Variants in MRPS31 observed in about 807,000 individuals in gnomAD.
MRPS31 encodes small ribosomal subunit protein mS31.
Under a neutral mutation model 43.1 loss-of-function variants are expected in MRPS31, and 32 were observed. The observed-to-expected ratio is 0.74, with a 90% CI of 0.56 to 1.00. MRPS31 has a LOEUF of 1.00. Among genes scored for constraint, MRPS31 ranks in the 50% least tolerant of loss-of-function variants. The probability of loss-of-function intolerance (pLI) is 0.00; values close to 1 mark genes in which losing one functional copy is unlikely to be tolerated. For synonymous variants in MRPS31, 165 were observed against 161.6 expected (o/e 1.02, Z -0.16); for missense variants, 437 against 466.7 (o/e 0.94, Z 0.59).
At chr13:40,756,177 T>C (rs1251667217) in intron 4 of MRPS31, among the ~76,000 whole-genome samples, 2 of 152,230 alleles carry the variant, frequency 1.3e-5, no homozygotes, top group East Asian at 3.8e-4. Flanking sequence ...GTTGTGAGCA[T>C]ATCCTGCTAC....
chr13:40,749,177 CTT>C lies in MRPS31; in HGVS notation c.917_918del (p.Lys306ArgfsTer10), dbSNP rs1253077638. ...NGFEELIQWT[K>X]EGKLWEFPIN... ...ATTGGGAACTCCCATAGTTTCCCCT[CTT>C]TTGTCCACTGGATCAGCTCTTCAAA... On this transcript the variant is annotated frameshift_variant, in exon 6 of 7. Coordinates refer to ENST00000323563, the MANE Select transcript of MRPS31 (RefSeq NM_005830.4). LOFTEE classifies it high-confidence loss of function. The C allele has an allele frequency of 1.2e-6, 2 of 1,602,110 alleles. No homozygotes were observed. The highest frequency in any genetic ancestry group is 1.3e-5 in the African/African-American group (1 of 74,188).
chr13:40,744,625 G>C (rs1474273396), intron 6 of MRPS31, among the ~76,000 whole-genome samples: 1 of 151,944 alleles, frequency 6.6e-6, no homozygotes, highest in Non-Finnish European at 1.5e-5. Context: ...GCAGTGGCGC[G>C]ACCTCTGCCT....
chr13:40,730,901 A>G (rs1879672385), intron 6 of MRPS31: 1 of 152,086 alleles, frequency 6.6e-6, no homozygotes, highest in African/African-American at 2.4e-5. Context: ...CATCAAGAAC[A>G]CTATAAAAAT....
intron 6 of MRPS31, among the ~76,000 whole-genome samples, chr13:40,743,153 A>C (rs1489924349): frequency 6.6e-6 from 1 of 152,100 alleles, no homozygotes; most frequent in African/African-American, 2.4e-5. Context: ...CTCTTCTAAA[A>C]ATACAAAAAG....
intron 6 of MRPS31, among the ~76,000 whole-genome samples, chr13:40,748,061 T>G (rs911616936): frequency 2.0e-5 from 3 of 152,216 alleles, no homozygotes; most frequent in Admixed American, 2.0e-4. Flanking sequence ...CATAACATTA[T>G]GAAGGTTAAA....
chr13:40,741,790 T>C (rs1216782746), intron 6 of MRPS31, among the ~76,000 whole-genome samples: 3 of 152,098 alleles, frequency 2.0e-5, no homozygotes, highest in Non-Finnish European at 4.4e-5. Context: ...ATAGTCTGCA[T>C]TCATAACAAT....
rs759755257 is a variant in MRPS31, at chr13:40,771,133, A to C, written c.4T>G (p.Phe2Val). Residue 2 changes from phenylalanine to valine, a missense_variant, in exon 1 of 7, where the codon TTT becomes GTT. Phe to Val is a conservative substitution (Grantham distance 50). Coordinates refer to ENST00000323563, the MANE Select transcript of MRPS31 (RefSeq NM_005830.4). ...GGTAGGAACGTCGAGACTCTAGGAA[A>C]CATCGCCGAGACACGAAATGAACCA... M[F>V]PRVSTFLPLR... The C allele has an allele frequency of 1.4e-5, 23 of 1,599,926 alleles. No individual in the cohort carries two copies. Among genetic ancestry groups the C allele is most frequent in the Admixed American group, 8.6e-5 (5 of 58,054 alleles).
intron 6 of MRPS31, among the ~76,000 whole-genome samples, chr13:40,730,447 C>A (rs1879648030): frequency 6.6e-6 from 1 of 152,062 alleles, no homozygotes; most frequent in African/African-American, 2.4e-5. Context: ...ATTGTTTGAA[C>A]CCAAGAGGCA....
chr13:40,755,094 G>GA (rs1880494614), intron 4 of MRPS31, among the ~76,000 whole-genome samples: 1 of 152,162 alleles, frequency 6.6e-6, no homozygotes, highest in Non-Finnish European at 1.5e-5. Context: ...TTGAATTCTT[G>GA]TTTTTTTATA....
chr13:40,733,975 A>C (rs1879792646), intron 6 of MRPS31, among the ~76,000 whole-genome samples: 2 of 151,180 alleles, frequency 1.3e-5, no homozygotes, highest in South Asian at 2.1e-4. Flanking sequence ...AAAAAAAAAA[A>C]AAAAAAGGCC....
intron 6 of MRPS31, among the ~76,000 whole-genome samples, chr13:40,738,020 A>G (rs899421573): frequency 6.6e-6 from 1 of 152,040 alleles, no homozygotes; most frequent in African/African-American, 2.4e-5. Flanking sequence ...GAAAGGATCA[A>G]CAAAATTGAT....
chr13:40,756,722 G>T, intron 4 of MRPS31, 151 bp downstream of exon 4: 2 of 880,036 alleles, frequency 2.3e-6, no homozygotes, highest in South Asian at 1.7e-5. Flanking sequence ...CTAGGAAGTG[G>T]TATACAGAGA....
chr13:40,730,340 G>A (rs1324153606), intron 6 of MRPS31, among the ~76,000 whole-genome samples: 1 of 151,634 alleles, frequency 6.6e-6, no homozygotes, highest in Non-Finnish European at 1.5e-5. Context: ...TGGCCAACAT[G>A]GTGAAACCCT....
At chr13:40,757,084 G>A in intron 3 of MRPS31, 71 bp from the exon 4 acceptor site, 1 of 1,146,110 alleles carries the variant, frequency 8.7e-7, no homozygotes, top group Non-Finnish European at 1.2e-6. Context: ...CCTTTAACAG[G>A]AGACTTGAGA....
At chr13:40,757,920 A>C (rs1258728364) in intron 3 of MRPS31, among the ~76,000 whole-genome samples, 1 of 150,790 alleles carries the variant, frequency 6.6e-6, no homozygotes, top group Non-Finnish European at 1.5e-5. Context: ...TGGTGGGCAG[A>C]TCACAAGGTC....
chr13:40,743,800 C>T (rs4943811), intron 6 of MRPS31, among the ~76,000 whole-genome samples: 21,607 of 152,162 alleles, frequency 0.14, 1,883 homozygotes, highest in South Asian at 0.29. Context: ...GGAGATTTCT[C>T]AAATAACTTA....
In MRPS31 at chr13:40,771,142, A is replaced by C; in HGVS notation, c.-6T>G. On this transcript the variant is annotated 5_prime_UTR_variant, in exon 1 of 7. Transcript: ENST00000323563. ...GTCGAGACTCTAGGAAACATCGCCG[A>C]GACACGAAATGAACCAAGAACACAA... 3 of 1,596,958 alleles carry C rather than the reference A, an allele frequency of 1.9e-6. No individual in the cohort carries two copies. Among genetic ancestry groups the C allele is most frequent in the Non-Finnish European group, 2.6e-6 (3 of 1,169,662 alleles).
chr13:40,751,679 G>C (rs1171922398), intron 5 of MRPS31, among the ~76,000 whole-genome samples: 2 of 152,164 alleles, frequency 1.3e-5, no homozygotes, highest in African/African-American at 2.4e-5. Flanking sequence ...ATTTCAGGTG[G>C]TGGGAAAACA....
At chr13:40,769,797 C>G (rs1880956474) in intron 1 of MRPS31, among the ~76,000 whole-genome samples, 1 of 152,102 alleles carries the variant, frequency 6.6e-6, no homozygotes, top group South Asian at 2.1e-4. Context: ...AGAAAACAAT[C>G]TACATTATAG....
Sources: gnomAD v4.1 joint callset for allele counts (sites outside exome capture counted in the v4.1 genomes callset) on GRCh38, gnomAD v4.1.1 for gene constraint, MANE v1.5 for transcripts, NCBI Gene and HGNC (gene_info 2026-07-23, HGNC 2026-07-21) for gene names.